PDZK1: variants seen among roughly 807,000 people sequenced by gnomAD.
PDZK1 encodes PDZ domain containing 1, also known as Na(+)/H(+) exchange regulatory cofactor NHE-RF3.
In PDZK1, 23 loss-of-function variants were observed where a neutral mutation model predicts 38.1. The ratio of observed to expected loss-of-function variants is 0.60; its 90% confidence interval spans 0.43 to 0.85. The LOEUF (loss-of-function observed/expected upper bound fraction) is 0.85. Among genes scored for constraint, PDZK1 ranks in the 40% least tolerant of loss-of-function variants. The pLI is 0.00. For synonymous variants in PDZK1, 98 were observed against 186.2 expected, an observed-to-expected ratio of 0.53 and a Z score of 3.86; for missense variants, 297 against 504.3, an observed-to-expected ratio of 0.59 and a Z score of 3.94.
chr1:145,690,812 G>C (rs898518603), intron 1 of PDZK1, among the ~76,000 whole-genome samples: 1 of 152,168 alleles, frequency 6.6e-6, no homozygotes, highest in Non-Finnish European at 1.5e-5. Flanking sequence ...TGTCTCACTG[G>C]AGACCTGTGA....
chr1:145,702,150 T>C (rs1655993848), intron 1 of PDZK1, among the ~76,000 whole-genome samples: 1 of 152,162 alleles, frequency 6.6e-6, no homozygotes, highest in South Asian at 2.1e-4. Flanking sequence ...TTATTTCTCA[T>C]TTATGATCAA....
At chr1:145,685,181 C>T (rs1252639408) in intron 3 of PDZK1, among the ~76,000 whole-genome samples, 2 of 151,328 alleles carry the variant, frequency 1.3e-5, no homozygotes, top group Admixed American at 1.3e-4. Flanking sequence ...CAGTTGCCTG[C>T]AGGTAAGGTA....
intron 3 of PDZK1, among the ~76,000 whole-genome samples, chr1:145,685,772 C>T (rs1179109087): frequency 2.0e-5 from 3 of 152,154 alleles, no homozygotes; most frequent in Non-Finnish European, 4.4e-5. Context: ...CCCAGAGCCA[C>T]GGTCAACTGA....
In PDZK1 at chr1:145,686,536, C is replaced by T. The variant is rs782449747; in HGVS notation, c.401G>A (p.Arg134Gln). 2.6e-5 allele frequency: 42 copies of T among 1,611,750 alleles called. No individual in the cohort carries two copies. The South Asian group carries it at 3.2e-4, about 12-fold the overall frequency. The stretch of plus-strand genomic sequence containing the variant: ...TCCTTCCTTCACGAGATAGCAGAGC[C>T]GGGGCTGGGTCCAAGTTTGCACACC... ...NGGVQTWTQP[R>Q]LCYLVKEGGS... Residue 134 changes from arginine (R) to glutamine (Q), a missense_variant, in exon 3 of 9, where the codon CGG becomes CAG. Arg to Gln is a conservative substitution (Grantham distance 43). Around this residue, in one of 5 missense-constraint regions of PDZK1, gnomAD observed 159 missense variants for 200.0 expected, o/e 0.79. Transcript: ENST00000417171.
At chr1:145,683,315 G>A (rs1179776030) in intron 3 of PDZK1, among the ~76,000 whole-genome samples, 1 of 152,230 alleles carries the variant, frequency 6.6e-6, no homozygotes, top group Non-Finnish European at 1.5e-5. Flanking sequence ...GGAATCTTGG[G>A]TGGCCTTGGC....
intron 1 of PDZK1, among the ~76,000 whole-genome samples, chr1:145,705,380 T>C (rs1487280881): frequency 2.6e-5 from 4 of 152,100 alleles, no homozygotes; most frequent in African/African-American, 9.7e-5. Context: ...TGTGAGCCAC[T>C]GCACCCAGCC....
At chr1:145,671,802 T>C (rs1379195966) in intron 8 of PDZK1, among the ~76,000 whole-genome samples, 4 of 152,220 alleles carry the variant, frequency 2.6e-5, no homozygotes, top group African/African-American at 7.2e-5. Context: ...AATGTCTGTG[T>C]ATATTTCTTT....
downstream of PDZK1, chr1:145,670,873 A>T (rs587749846): frequency 2.0e-5 from 3 of 149,104 alleles, no homozygotes; most frequent in African/African-American, 7.4e-5. Context: ...TCTGAATTTT[A>T]TTACTAAGGT....
chr1:145,689,708 A>G lies in PDZK1; in HGVS notation c.-2-1685T>C, dbSNP rs1490746024. ...TCTCATCACAGTTCCCTACCTACAAATCAGAATAAACCACCTATCCCTTCC... is the reference window on the plus strand; with the variant it reads ...TCTCATCACAGTTCCCTACCTACAAGTCAGAATAAACCACCTATCCCTTCC... On this transcript the variant is annotated intron_variant, in intron 1 of 8. Coordinates refer to ENST00000417171, the MANE Select transcript of PDZK1 (RefSeq NM_001201325.2). Among the ~76,000 whole-genome samples the G allele has an allele frequency of 2.0e-5, 3 of 152,116 alleles. No individual in the cohort carries two copies. In the East Asian group the frequency reaches 5.8e-4, roughly 29 times the overall value.
At chr1:145,676,966 C>T (rs1653741894) in intron 6 of PDZK1, among the ~76,000 whole-genome samples, 1 of 152,026 alleles carries the variant, frequency 6.6e-6, no homozygotes, top group South Asian at 2.1e-4. Flanking sequence ...TCTGAATATT[C>T]CAATTCAACC....
chr1:145,690,348 GA>G (rs1553702894), intron 1 of PDZK1, among the ~76,000 whole-genome samples: 1 of 151,526 alleles, frequency 6.6e-6, no homozygotes, highest in Non-Finnish European at 1.5e-5. Flanking sequence ...GACCCCAAAA[GA>G]AAAAAAATCA....
At chr1:145,690,141 G>T (rs370738403) in intron 1 of PDZK1, among the ~76,000 whole-genome samples, 33 of 152,312 alleles carry the variant, frequency 2.2e-4, no homozygotes, top group African/African-American at 7.9e-4. Flanking sequence ...ACTCTGGGAT[G>T]AAAGGAGAAA....
chr1:145,671,668 T>C, intron 8 of PDZK1, 179 bp from the exon 9 acceptor site: 1 of 554,192 alleles, frequency 1.8e-6, no homozygotes, highest in Non-Finnish European at 3.3e-6. Context: ...AGTTTATCAG[T>C]ATTGTAATGG....
chr1:145,673,064 G>A (rs1653254585), intron 7 of PDZK1, 44 bp from the exon 8 acceptor site: 1 of 1,412,670 alleles, frequency 7.1e-7, no homozygotes, highest in African/African-American at 1.4e-5. Context: ...ACAGAGAAGG[G>A]GACATCAGAC....
rs1188972397 is a variant in PDZK1, at chr1:145,676,462, G to A, written c.990+1987C>T. On this transcript the variant is annotated intron_variant, in intron 6 of 8. Transcript: ENST00000417171. ...CTTAAAAAAAATGTGTGGCCCGGGC[G>A]TGTTGGCTTATACCTGTAATCCCAG... Among the ~76,000 whole-genome samples the A allele has an allele frequency of 5.9e-5, 9 of 151,782 alleles. No individual in the cohort carries two copies. The East Asian group carries it at 7.7e-4, about 13-fold the overall frequency.
intron 6 of PDZK1, among the ~76,000 whole-genome samples, chr1:145,674,612 C>T (rs1653456788): frequency 1.3e-5 from 2 of 152,020 alleles, no homozygotes; most frequent in South Asian, 2.1e-4. Context: ...ACAGCCGCAG[C>T]CCCCCAGATT....
chr1:145,702,216 C>G (rs1051911033), intron 1 of PDZK1, among the ~76,000 whole-genome samples: 3 of 152,098 alleles, frequency 2.0e-5, no homozygotes, highest in Non-Finnish European at 4.4e-5. Flanking sequence ...AAGTACCTTC[C>G]CTACCTCCAG....
At chr1:145,703,198 G>A (rs587621558) in intron 1 of PDZK1, among the ~76,000 whole-genome samples, 72 of 152,138 alleles carry the variant, frequency 4.7e-4, no homozygotes, top group Non-Finnish European at 8.7e-4. Flanking sequence ...TTCAGTTATC[G>A]CTCATGTACT....
intron 1 of PDZK1, among the ~76,000 whole-genome samples, chr1:145,700,831 A>C (rs11590330): frequency 2.6e-5 from 4 of 152,282 alleles, no homozygotes; most frequent in Non-Finnish European, 4.4e-5. Context: ...CGTCAGTATC[A>C]CACCACGAAG....
Sources: gnomAD v4.1 joint callset for allele counts (sites outside exome capture counted in the v4.1 genomes callset) on GRCh38, gnomAD v4.1.1 for gene constraint, gnomAD v4.1.1 regional missense constraint, MANE v1.5 for transcripts, NCBI Gene and HGNC (gene_info 2026-07-23, HGNC 2026-07-21) for gene names.